KYNU: variants seen among roughly 807,000 people sequenced by gnomAD.
KYNU encodes the protein L-kynurenine hydrolase.
In KYNU, 54 loss-of-function variants were observed where a neutral mutation model predicts 59.2. The observed-to-expected ratio is 0.91, with a 90% confidence interval of 0.73 to 1.14. The LOEUF (loss-of-function observed/expected upper bound fraction) is 1.14, where lower values mean the gene tolerates loss of function less well. KYNU is among the 50% of genes most tolerant of loss of function. KYNU has a pLI of 0.00. For synonymous variants in KYNU, 177 were observed against 192.0 expected, an observed-to-expected ratio of 0.92 and a Z score of 0.65; for missense variants, 567 against 554.4, an observed-to-expected ratio of 1.02 and a Z score of -0.23.
chr2:143,023,822 A>G (rs1272949106), intron 10 of KYNU, among the ~76,000 whole-genome samples: 1 of 151,852 alleles, frequency 6.6e-6, no homozygotes, highest in Admixed American at 6.6e-5. Context: ...AAAAAAGCAA[A>G]TCATCTCATG....
chr2:143,031,595 G>A (rs1202443060), intron 11 of KYNU, among the ~76,000 whole-genome samples: 2 of 152,080 alleles, frequency 1.3e-5, no homozygotes, highest in Admixed American at 6.6e-5. Flanking sequence ...GTGGTGGTAT[G>A]CATCTGTAGT....
chr2:143,011,918 TG>T (rs917700034), intron 10 of KYNU, among the ~76,000 whole-genome samples: 2 of 92,862 alleles, frequency 2.2e-5, no homozygotes, highest in South Asian at 7.7e-4. Flanking sequence ...TGTGGTGGGG[TG>T]GGGGGAGTGG....
chr2:142,932,695 G>T (rs778360370), intron 4 of KYNU, among the ~76,000 whole-genome samples: 1 of 147,146 alleles, frequency 6.8e-6, no homozygotes, highest in African/African-American at 2.5e-5. Flanking sequence ...TTGAGTGAGG[G>T]CAATGAGTTC....
At chr2:142,984,288 A>G (rs956193590) in intron 8 of KYNU, among the ~76,000 whole-genome samples, 21 of 152,076 alleles carry the variant, frequency 1.4e-4, no homozygotes, top group African/African-American at 5.1e-4. Flanking sequence ...TACTATATTC[A>G]TCAGAATTAT....
chr2:142,949,986 C>T (rs1683934000), intron 4 of KYNU, among the ~76,000 whole-genome samples: 1 of 152,152 alleles, frequency 6.6e-6, no homozygotes, highest in Non-Finnish European at 1.5e-5. Context: ...CCTAAATAAT[C>T]CCTCTCAAGT....
At chr2:143,019,872 A>C (rs1686359178) in intron 10 of KYNU, among the ~76,000 whole-genome samples, 1 of 151,952 alleles carries the variant, frequency 6.6e-6, no homozygotes, top group Non-Finnish European at 1.5e-5. Flanking sequence ...GATCATGTGC[A>C]TCCAGGAATT....
intron 10 of KYNU, among the ~76,000 whole-genome samples, chr2:142,990,907 G>T (rs922463637): frequency 1.3e-5 from 2 of 151,840 alleles, no homozygotes; most frequent in Non-Finnish European, 2.9e-5. Flanking sequence ...AGAGTAATTT[G>T]CTGGTGAAAA....
At chr2:142,881,909 CTTTTTTCTTTTTTTTTTT>C (rs1247700764) in intron 1 of KYNU, among the ~76,000 whole-genome samples, 8 of 124,668 alleles carry the variant, frequency 6.4e-5, no homozygotes, top group Non-Finnish European at 1.3e-4. Flanking sequence ...CTTTTCTTTT[CTTTTTTCTTTTTTTTTTT>C]TTTTTTTTGT....
intron 10 of KYNU, among the ~76,000 whole-genome samples, chr2:143,019,255 A>T (rs755050889): frequency 2.6e-5 from 4 of 152,064 alleles, no homozygotes; most frequent in Non-Finnish European, 4.4e-5. Context: ...GTTCAATTTG[A>T]TGTAAGCTGT....
At chr2:142,945,684 C>G (rs1302836047) in intron 4 of KYNU, among the ~76,000 whole-genome samples, 1 of 152,048 alleles carries the variant, frequency 6.6e-6, no homozygotes, top group Non-Finnish European at 1.5e-5. Context: ...AGAGATCCAT[C>G]AGAGGGATCA....
rs1687271059 is a variant in KYNU at position 143,051,781 on chromosome 2, AG to A, written c.*9611del. ...TTACTTTTGTAAATTGCCCAGTCTC[AG>A]GTATGTCTTTATCAGCAGCCTGAAA... On this transcript the variant is annotated 3_prime_UTR_variant, in exon 14 of 14. Coordinates refer to ENST00000264170, the MANE Select transcript of KYNU (RefSeq NM_003937.3). The A allele has an allele frequency of 6.6e-6, 1 of 152,362 alleles. No individual in the cohort carries two copies. The highest frequency in any genetic ancestry group is 2.4e-5 in the African/African-American group (1 of 41,450). 9.4% of individuals were successfully genotyped at this position (152,362 alleles called of 1,614,324 possible). A position where few individuals can be genotyped will look rare whatever the true frequency, so the allele number is the denominator to read the frequency against.
chr2:142,950,732 T>G (rs981055963), intron 4 of KYNU, among the ~76,000 whole-genome samples: 11 of 152,222 alleles, frequency 7.2e-5, no homozygotes, highest in Admixed American at 3.3e-4. Context: ...AATTTTAACT[T>G]CTTTCAAGAA....
intron 1 of KYNU, among the ~76,000 whole-genome samples, chr2:142,882,807 T>C (rs1233662894): frequency 6.6e-6 from 1 of 152,246 alleles, no homozygotes. Flanking sequence ...CATGTGTCTT[T>C]ATAGCAGCAT....
intron 8 of KYNU, among the ~76,000 whole-genome samples, chr2:142,966,871 G>C (rs895705223): frequency 1.3e-5 from 2 of 151,922 alleles, no homozygotes; most frequent in Non-Finnish European, 2.9e-5. Flanking sequence ...GACTATCCAG[G>C]CTTGTTGGAA....
intron 8 of KYNU, among the ~76,000 whole-genome samples, chr2:142,984,391 G>A (rs922836028): frequency 1.3e-5 from 2 of 151,926 alleles, no homozygotes; most frequent in Non-Finnish European, 2.9e-5. Context: ...ATCATTGGCA[G>A]CAAATATTAT....
chr2:142,942,593 C>T (rs1257920529), intron 4 of KYNU, among the ~76,000 whole-genome samples: 1 of 152,100 alleles, frequency 6.6e-6, no homozygotes, highest in African/African-American at 2.4e-5. Flanking sequence ...CGGTTTTTGC[C>T]TCTTTAGAAG....
At position 143,003,302 on chromosome 2, in the gene KYNU, A is replaced by G. The variant is rs537805163; in HGVS notation, c.902+17281A>G. The stretch of plus-strand genomic sequence containing the variant: ...TTTACAGCTGGGGGGGGTGGCTCAC[A>G]CCTATAATCCCAGCACTTTGGGAGA... On this transcript the variant is annotated intron_variant, in intron 10 of 13. Coordinates refer to ENST00000264170, the MANE Select transcript of KYNU (RefSeq NM_003937.3). Among the ~76,000 whole-genome samples the G allele has an allele frequency of 1.1e-4, 17 of 152,226 alleles. 2 individuals are homozygous for G. The highest frequency in any genetic ancestry group is 4.1e-4 in the African/African-American group (17 of 41,528).
rs73963779 is a variant in KYNU, at chr2:142,916,073, C to T, written c.170-2536C>T. Among the ~76,000 whole-genome samples the T allele has an allele frequency of 4.7e-3, 713 of 152,156 alleles. 5 individuals carry two copies. The highest frequency in any genetic ancestry group is 0.016 in the African/African-American group (682 of 41,502). ...ATCACAGTGCTTGAAAGTAATCAAC[C>T]TTGTCAACACTTGATTTTGGACTCA... On this transcript the variant is annotated intron_variant, in intron 2 of 13. Coordinates refer to ENST00000264170, the MANE Select transcript of KYNU (RefSeq NM_003937.3).
intron 2 of KYNU, among the ~76,000 whole-genome samples, chr2:142,909,486 A>G (rs1682410965): frequency 6.6e-6 from 1 of 152,204 alleles, no homozygotes; most frequent in African/African-American, 2.4e-5. Context: ...AATAGGTAGT[A>G]TAGTTCCTCC....
Sources: allele counts gnomAD v4.1 joint callset (sites outside exome capture counted in the v4.1 genomes callset), GRCh38; gene constraint gnomAD v4.1.1; transcripts MANE v1.5; gene names NCBI Gene and HGNC (gene_info 2026-07-23, HGNC 2026-07-21).